GRM1: variants seen among roughly 807,000 people sequenced by gnomAD.
The protein encoded by GRM1 is metabotropic glutamate receptor 1.
GRM1 carries 33 observed loss-of-function variants against 90.9 expected under a neutral mutation model. The ratio of observed to expected loss-of-function variants is 0.36; its 90% confidence interval spans 0.28 to 0.49. The LOEUF (loss-of-function observed/expected upper bound fraction) is 0.49, where lower values mean the gene tolerates loss of function less well. Among genes scored for constraint, GRM1 ranks in the 20% least tolerant of loss-of-function variants. The pLI is 0.99. For missense variants in GRM1, 1,190 were observed against 1,534.3 expected, an observed-to-expected ratio of 0.78 and a Z score of 3.75; for synonymous variants, 700 against 613.2, an observed-to-expected ratio of 1.14 and a Z score of -2.09.
intron 2 of GRM1, among the ~76,000 whole-genome samples, chr6:146,297,396 G>A (rs1456091416): frequency 1.3e-5 from 2 of 152,032 alleles, no homozygotes; most frequent in African/African-American, 2.4e-5. Flanking sequence ...TCCTGACCTC[G>A]TGATCCGCCT....
chr6:146,250,981 C>T (rs527725532), intron 2 of GRM1, among the ~76,000 whole-genome samples: 2 of 152,260 alleles, frequency 1.3e-5, no homozygotes, highest in Admixed American at 6.5e-5. Context: ...TAAAGAACTT[C>T]GAGGTTTCTG....
chr6:146,382,992 A>G (rs568211085), intron 5 of GRM1, among the ~76,000 whole-genome samples: 3 of 152,230 alleles, frequency 2.0e-5, no homozygotes, highest in East Asian at 1.9e-4. Context: ...GGATGATACT[A>G]TGGGGAGGGA....
Position 146,232,846 on chromosome 6 carries a change from A to T in GRM1, c.951-71765A>T, listed in dbSNP as rs561953105. ...TATGAATTTTGATGTGACACAATTC[A>T]TTCCATAACAGTGTCATTCAAGGAA... is the stretch of plus-strand genomic sequence containing the variant. On this transcript the variant is annotated intron_variant, in intron 2 of 7. Transcript: ENST00000282753. Among the ~76,000 whole-genome samples the T allele has an allele frequency of 1.2e-3, 180 of 152,230 alleles. 1 individual carries two copies. Among genetic ancestry groups the T allele is most frequent in the African/African-American group, 4.2e-3 (173 of 41,578 alleles).
At chr6:146,281,099 C>A (rs1446570436) in intron 2 of GRM1, among the ~76,000 whole-genome samples, 2 of 152,154 alleles carry the variant, frequency 1.3e-5, no homozygotes, top group East Asian at 3.8e-4. Flanking sequence ...TTAAAACATA[C>A]AAGAACAAAA....
chr6:146,134,148 A>T (rs1331857013), intron 1 of GRM1, among the ~76,000 whole-genome samples: 2 of 152,196 alleles, frequency 1.3e-5, no homozygotes, highest in Non-Finnish European at 2.9e-5. Flanking sequence ...CTCCTGCAGC[A>T]TATTGAATAC....
chr6:146,194,413 A>G (rs1379521056), intron 2 of GRM1, among the ~76,000 whole-genome samples: 1 of 152,196 alleles, frequency 6.6e-6, no homozygotes, highest in African/African-American at 2.4e-5. Flanking sequence ...CTAACACTGT[A>G]ATGTTATATT....
intron 6 of GRM1, among the ~76,000 whole-genome samples, chr6:146,394,730 C>T (rs2114560968): frequency 6.6e-6 from 1 of 152,050 alleles, no homozygotes; most frequent in Non-Finnish European, 1.5e-5. Flanking sequence ...GTATTTTAGC[C>T]ATTGTGAGGA....
chr6:146,284,198 G>C (rs1015256488), intron 2 of GRM1, among the ~76,000 whole-genome samples: 1 of 152,046 alleles, frequency 6.6e-6, no homozygotes, highest in Admixed American at 6.6e-5. Context: ...CAGGAATGCT[G>C]GCTTAACAAT....
chr6:146,290,583 C>A (rs932380732), intron 2 of GRM1, among the ~76,000 whole-genome samples: 3 of 152,092 alleles, frequency 2.0e-5, no homozygotes, highest in African/African-American at 7.2e-5. Context: ...TATTGTCTGG[C>A]CATTTGGGTT....
In GRM1 at chr6:146,171,658, CATCAAAGATGACTGGCAACAACTAGAGG is replaced by C. The variant is rs1778132403; in HGVS notation, c.950+12063_950+12090del. Reference sequence around the variant, plus strand: ...TTCAGCTTGCAAGTCATACTGAGTACATCAAAGATGACTGGCAACAACTAGAGGAGGACATGAAGAAAGCAAAAGAACA... The same window carrying C: ...TTCAGCTTGCAAGTCATACTGAGTACAGGACATGAAGAAAGCAAAAGAACA... On this transcript the variant is annotated intron_variant, in intron 2 of 7. Transcript: ENST00000282753. The C allele has an allele frequency of 3.2e-5, 9 of 284,284 alleles. No homozygotes were observed. In the South Asian group the frequency reaches 4.4e-4, roughly 14 times the overall value. The allele number at this position is 284,284 out of a possible 1,614,324, so 17.6% of individuals were successfully genotyped here.
At chr6:146,206,203 CAGAT>C (rs1779488086) in intron 2 of GRM1, among the ~76,000 whole-genome samples, 1 of 152,084 alleles carries the variant, frequency 6.6e-6, no homozygotes, top group Non-Finnish European at 1.5e-5. Context: ...TCAGGAGAAA[CAGAT>C]AGAGAAGCAG....
intron 1 of GRM1, among the ~76,000 whole-genome samples, chr6:146,120,281 T>G (rs1775928971): frequency 6.6e-6 from 1 of 152,246 alleles, no homozygotes; most frequent in African/African-American, 2.4e-5. Context: ...TTTTCCACAT[T>G]GATTTTGTAT....
intron 3 of GRM1, among the ~76,000 whole-genome samples, chr6:146,348,456 G>A (rs1179891057): frequency 1.3e-5 from 2 of 152,224 alleles, no homozygotes; most frequent in Admixed American, 6.5e-5. Flanking sequence ...TGAGACTGAG[G>A]TAGTAGCTGA....
intron 1 of GRM1, among the ~76,000 whole-genome samples, chr6:146,158,304 G>A (rs1040876226): frequency 6.6e-6 from 1 of 151,954 alleles, no homozygotes; most frequent in Admixed American, 6.6e-5. Context: ...GAGGATGGAA[G>A]GAAAAAATAG....
At chr6:146,322,988 A>C (rs1316281008) in intron 3 of GRM1, among the ~76,000 whole-genome samples, 1 of 152,038 alleles carries the variant, frequency 6.6e-6, no homozygotes, top group African/African-American at 2.4e-5. Context: ...ACATTTTCTT[A>C]ATCCAGTCTC....
chr6:146,246,119 T>C (rs968191800), intron 2 of GRM1, among the ~76,000 whole-genome samples: 1 of 152,232 alleles, frequency 6.6e-6, no homozygotes, highest in Non-Finnish European at 1.5e-5. Flanking sequence ...TGTCTCTTTG[T>C]GCTTGAAGTC....
At chr6:146,233,951 G>A (rs923432977) in intron 2 of GRM1, among the ~76,000 whole-genome samples, 3 of 151,920 alleles carry the variant, frequency 2.0e-5, no homozygotes, top group Non-Finnish European at 4.4e-5. Flanking sequence ...ATTTTAAAAA[G>A]TTTTTGCTTT....
chr6:146,088,096 C>G (rs958362898), intron 1 of GRM1, among the ~76,000 whole-genome samples: 4 of 152,110 alleles, frequency 2.6e-5, no homozygotes, highest in Non-Finnish European at 2.9e-5. Context: ...ATCCTACCAG[C>G]ATTGGTTCTG....
intron 2 of GRM1, among the ~76,000 whole-genome samples, chr6:146,208,595 G>T (rs151132979): frequency 9.2e-5 from 14 of 152,090 alleles, no homozygotes; most frequent in African/African-American, 3.4e-4. Context: ...TCATGTCGGG[G>T]TCTTGATCAT....
Sources: gnomAD v4.1 joint callset for allele counts (sites outside exome capture counted in the v4.1 genomes callset) on GRCh38, gnomAD v4.1.1 for gene constraint, MANE v1.5 for transcripts, NCBI Gene and HGNC (gene_info 2026-07-23, HGNC 2026-07-21) for gene names.